Variants in RALYL observed in about 807,000 individuals in gnomAD.
The protein encoded by RALYL is RNA-binding Raly-like protein.
Under a neutral mutation model 35.1 loss-of-function variants are expected in RALYL, and 29 were observed. The observed-to-expected ratio is 0.83, with a 90% CI of 0.61 to 1.13. The LOEUF (loss-of-function observed/expected upper bound fraction) is 1.13. RALYL is among the 50% of genes most tolerant of loss of function. RALYL has a pLI of 0.00. For missense variants in RALYL, 359 were observed against 360.4 expected (o/e 1.00, Z 0.03); for synonymous variants, 120 against 127.6 (o/e 0.94, Z 0.40).
intron 4 of RALYL, among the ~76,000 whole-genome samples, chr8:84,812,225 G>A (rs1454631727): frequency 6.6e-6 from 1 of 152,052 alleles, no homozygotes; most frequent in Non-Finnish European, 1.5e-5. Flanking sequence ...TTTCCCTGTT[G>A]ATGTGGATTC....
intron 2 of RALYL, among the ~76,000 whole-genome samples, chr8:84,686,650 C>A (rs1339531860): frequency 6.6e-6 from 1 of 152,134 alleles, no homozygotes; most frequent in Non-Finnish European, 1.5e-5. Context: ...AATGATCCTC[C>A]CATCTCGGCC....
Position 84,343,803 on chromosome 8 carries a change from T to C in RALYL, c.-24+159379T>C, listed in dbSNP as rs553457638. 9.2e-5 allele frequency among the ~76,000 whole-genome samples: 14 copies of C among 151,908 alleles called. No individual in the cohort carries two copies. In the South Asian group the frequency reaches 2.9e-3, roughly 32 times the overall value. Reference sequence around the variant, plus strand: ...AGCCACCACACTGGGCTAATTTTTGTTGTTTTTGTAAAGATGAGGTTTAAT... The same window carrying C: ...AGCCACCACACTGGGCTAATTTTTGCTGTTTTTGTAAAGATGAGGTTTAAT... On this transcript the variant is annotated intron_variant, in intron 1 of 8. Coordinates refer to ENST00000521268, the MANE Select transcript of RALYL (RefSeq NM_173848.7).
At chr8:84,442,723 G>C (rs537868772) in intron 1 of RALYL, among the ~76,000 whole-genome samples, 1 of 152,064 alleles carries the variant, frequency 6.6e-6, no homozygotes, top group Non-Finnish European at 1.5e-5. Context: ...GATACTCTGC[G>C]TATTGTTTTT....
At chr8:84,844,555 G>C (rs1461100884) in intron 4 of RALYL, among the ~76,000 whole-genome samples, 1 of 152,230 alleles carries the variant, frequency 6.6e-6, no homozygotes, top group Non-Finnish European at 1.5e-5. Flanking sequence ...GTGGAAGTCA[G>C]TGTGGCAATT....
chr8:84,852,209 C>A (rs1836001725), intron 5 of RALYL, among the ~76,000 whole-genome samples: 4 of 152,286 alleles, frequency 2.6e-5, no homozygotes, highest in South Asian at 2.1e-4. Flanking sequence ...AGACCCACAA[C>A]TGTAACTTCA....
intron 2 of RALYL, among the ~76,000 whole-genome samples, chr8:84,601,226 G>T (rs77303606): frequency 0.02 from 2,969 of 152,102 alleles, 45 homozygotes; most frequent in Middle Eastern, 0.051. Context: ...CTTATAACAA[G>T]TTATGTCCAT....
At chr8:84,589,350 G>A (rs1198835807) in intron 2 of RALYL, among the ~76,000 whole-genome samples, 1 of 152,164 alleles carries the variant, frequency 6.6e-6, no homozygotes, top group African/African-American at 2.4e-5. Context: ...GATTCAGCCT[G>A]TCCAGTAAGC....
chr8:84,651,850 C>G (rs1169030005), intron 2 of RALYL, among the ~76,000 whole-genome samples: 2 of 151,764 alleles, frequency 1.3e-5, no homozygotes, highest in African/African-American at 4.8e-5. Context: ...GTAGATAAAG[C>G]CTGTGAAAGA....
At chr8:84,403,613 G>A (rs551798952) in intron 1 of RALYL, among the ~76,000 whole-genome samples, 1 of 141,806 alleles carries the variant, frequency 7.1e-6, no homozygotes, top group African/African-American at 2.6e-5. Context: ...AAGTCAGGTA[G>A]CGTGATGCCT....
At chr8:84,448,132 G>A (rs1006913085) in intron 1 of RALYL, among the ~76,000 whole-genome samples, 1 of 151,838 alleles carries the variant, frequency 6.6e-6, no homozygotes, top group East Asian at 1.9e-4. Context: ...TACTGGTAAG[G>A]GACTCCAAAA....
Position 84,804,769 on chromosome 8 carries a change from G to T in RALYL, c.333-1G>T, listed in dbSNP as rs758899208. The T allele has an allele frequency of 8.6e-7, 1 of 1,167,146 alleles. No homozygotes were observed. Among genetic ancestry groups the T allele is most frequent in the South Asian group, 2.2e-5 (1 of 45,576 alleles). 72.3% of individuals were successfully genotyped at this position (1,167,146 alleles called of 1,614,324 possible). A position where few individuals can be genotyped will look rare whatever the true frequency, so the allele number is the denominator to read the frequency against. ...AAGAAAATTTTCATATTTTTTCATA[G>T]ACTTGAATCAAAGGAACCTTTCCTG... On this transcript the variant is annotated splice_acceptor_variant, in intron 3 of 8. Transcript: ENST00000521268. LOFTEE classifies it high-confidence loss of function.
At chr8:84,390,287 A>G (rs538367919) in intron 1 of RALYL, among the ~76,000 whole-genome samples, 14 of 152,186 alleles carry the variant, frequency 9.2e-5, no homozygotes, top group African/African-American at 3.1e-4. Flanking sequence ...CATCAAGGAT[A>G]TTGGTCCAAA....
chr8:84,186,470 G>A (rs540439841), intron 1 of RALYL, among the ~76,000 whole-genome samples: 3 of 152,188 alleles, frequency 2.0e-5, no homozygotes, highest in Admixed American at 6.5e-5. Flanking sequence ...ATTGTAAGTC[G>A]TTTAGTTCTT....
intron 1 of RALYL, among the ~76,000 whole-genome samples, chr8:84,451,816 A>G (rs1464549335): frequency 6.6e-6 from 1 of 152,050 alleles, no homozygotes; most frequent in Non-Finnish European, 1.5e-5. Context: ...TCTTAAAATT[A>G]AGAATATTTG....
At chr8:84,261,779 AAT>A (rs1165299921) in intron 1 of RALYL, among the ~76,000 whole-genome samples, 3 of 152,024 alleles carry the variant, frequency 2.0e-5, no homozygotes, top group South Asian at 2.1e-4. Context: ...TTTTATTTTT[AAT>A]ATGTTTTATT....
At chr8:84,783,747 A>C (rs1013023511) in intron 3 of RALYL, among the ~76,000 whole-genome samples, 67 of 152,340 alleles carry the variant, frequency 4.4e-4, no homozygotes, top group African/African-American at 1.6e-3. Flanking sequence ...AAGAAGATGA[A>C]GTAATTGCAA....
intron 2 of RALYL, chr8:84,705,921 T>C: frequency 6.7e-7 from 1 of 1,498,848 alleles, no homozygotes; most frequent in Non-Finnish European, 8.8e-7. Context: ...CTGGTTACCT[T>C]CTGTCAGTGA....
chr8:84,862,500 T>C lies in RALYL; in HGVS notation c.571+47T>C, dbSNP rs780606621. ...ATTTCTCTTTAAAGAAGGGAGTGAT[T>C]AACTATCATTGCACGAATGCCTATA... On this transcript the variant is annotated intron_variant, in intron 6 of 8. Coordinates refer to ENST00000521268, the MANE Select transcript of RALYL (RefSeq NM_173848.7). 4 of 1,426,294 alleles carry C rather than the reference T, an allele frequency of 2.8e-6. No homozygotes were observed. In the South Asian group the frequency reaches 4.4e-5, roughly 16 times the overall value. 88.4% of individuals were successfully genotyped at this position (1,426,294 alleles called of 1,614,324 possible). A position where few individuals can be genotyped will look rare whatever the true frequency, so the allele number is the denominator to read the frequency against.
intron 1 of RALYL, among the ~76,000 whole-genome samples, chr8:84,273,969 C>T (rs1049703282): frequency 6.6e-6 from 1 of 152,122 alleles, no homozygotes; most frequent in African/African-American, 2.4e-5. Context: ...TTTTATGCCT[C>T]GCTTGTCCAC....
Sources: gnomAD v4.1 joint callset for allele counts (sites outside exome capture counted in the v4.1 genomes callset) on GRCh38, gnomAD v4.1.1 for gene constraint, MANE v1.5 for transcripts, NCBI Gene and HGNC (gene_info 2026-07-23, HGNC 2026-07-21) for gene names.